Variants in TSPEAR observed in about 807,000 individuals in gnomAD.
The protein encoded by TSPEAR is thrombospondin-type laminin G domain and EAR repeat-containing protein.
Under a neutral mutation model 71.6 loss-of-function variants are expected in TSPEAR, and 69 were observed. That is an observed-to-expected ratio of 0.96 (90% CI 0.79 to 1.18). The LOEUF (loss-of-function observed/expected upper bound fraction) is 1.18, where lower values mean the gene tolerates loss of function less well. TSPEAR is among the 50% of genes most tolerant of loss of function. TSPEAR has a pLI of 0.00. For missense variants in TSPEAR, 971 were observed against 894.9 expected (o/e 1.09, Z -1.09); for synonymous variants, 402 against 387.2 (o/e 1.04, Z -0.45).
intron 11 of TSPEAR, among the ~76,000 whole-genome samples, chr21:44,503,019 C>T (rs587674359): frequency 2.8e-3 from 340 of 120,046 alleles, no homozygotes; most frequent in Middle Eastern, 0.016. Context: ...GGAAGCCGGC[C>T]TCGGTGAGCC....
chr21:44,689,801 G>A (rs1555949542), intron 1 of TSPEAR, among the ~76,000 whole-genome samples: 2 of 144,632 alleles, frequency 1.4e-5, no homozygotes, highest in African/African-American at 2.6e-5. Context: ...TAGGCCGTCT[G>A]CAAGCTGAGG....
chr21:44,702,642 G>A, intron 1 of TSPEAR: 1 of 1,590,828 alleles, frequency 6.3e-7, no homozygotes, highest in South Asian at 1.1e-5. Flanking sequence ...CTGTGTGCAG[G>A]CCCACCTGCT....
At chr21:44,572,560 GCCC>G (rs1463461550) in intron 1 of TSPEAR, among the ~76,000 whole-genome samples, 2 of 151,850 alleles carry the variant, frequency 1.3e-5, no homozygotes, top group African/African-American at 4.8e-5. Flanking sequence ...CCTGCCCCAG[GCCC>G]AAGTCCACAA....
At chr21:44,641,509 A>T (rs1984019994) in intron 1 of TSPEAR, among the ~76,000 whole-genome samples, 1 of 152,098 alleles carries the variant, frequency 6.6e-6, no homozygotes, top group South Asian at 2.1e-4. Flanking sequence ...GAGTGGGAAG[A>T]GCCCAGGAGA....
intron 1 of TSPEAR, chr21:44,646,750 G>A (rs1345931588): frequency 6.2e-7 from 1 of 1,613,586 alleles, no homozygotes; most frequent in Non-Finnish European, 8.5e-7. Context: ...CTGCCAGCAG[G>A]CCTGCTGTGT....
chr21:44,509,002 G>T, intron 10 of TSPEAR, 197 bp downstream of exon 10: 1 of 1,504,172 alleles, frequency 6.6e-7, no homozygotes, highest in Non-Finnish European at 9.0e-7. Flanking sequence ...TCTCAGGGCG[G>T]CACTGACTTC....
intron 2 of TSPEAR, among the ~76,000 whole-genome samples, chr21:44,544,585 C>G (rs1270048279): frequency 6.6e-6 from 1 of 152,194 alleles, no homozygotes; most frequent in African/African-American, 2.4e-5. Context: ...AGAAATAATG[C>G]TAGGCTTAAA....
intron 1 of TSPEAR, among the ~76,000 whole-genome samples, chr21:44,693,210 T>C (rs1987190825): frequency 6.6e-6 from 1 of 152,106 alleles, no homozygotes; most frequent in Non-Finnish European, 1.5e-5. Flanking sequence ...AAATTAACTC[T>C]AAATGGATCA....
intron 1 of TSPEAR, among the ~76,000 whole-genome samples, chr21:44,598,622 C>A (rs868914231): frequency 6.6e-6 from 1 of 152,166 alleles, no homozygotes; most frequent in Non-Finnish European, 1.5e-5. Context: ...GCACTTCCGC[C>A]GCTTCCAAAA....
chr21:44,666,478 G>A (rs1985765807), intron 1 of TSPEAR: 1 of 1,602,296 alleles, frequency 6.2e-7, no homozygotes, highest in Non-Finnish European at 8.5e-7. Flanking sequence ...TAGGAGATGG[G>A]TCTGCAGAGG....
intron 1 of TSPEAR, among the ~76,000 whole-genome samples, chr21:44,699,377 C>CAAAAAAAA (rs55846070): frequency 3.1e-5 from 2 of 65,414 alleles, no homozygotes; most frequent in African/African-American, 5.9e-5. Flanking sequence ...GACACTGTCT[C>CAAAAAAAA]AAAAAAAAAA....
chr21:44,587,066 AG>A (rs1279732472), intron 1 of TSPEAR, among the ~76,000 whole-genome samples: 3 of 152,182 alleles, frequency 2.0e-5, no homozygotes, highest in African/African-American at 7.2e-5. Context: ...AAGAAATAAA[AG>A]GCATCCAAAT....
At chr21:44,685,232 G>A (rs1327595243) in intron 1 of TSPEAR, among the ~76,000 whole-genome samples, 1 of 152,168 alleles carries the variant, frequency 6.6e-6, no homozygotes, top group Middle Eastern at 3.2e-3. Context: ...GAGCTGCCTG[G>A]GATGGAGGGA....
chr21:44,662,116 A>T (rs1254088783), intron 1 of TSPEAR, among the ~76,000 whole-genome samples: 5 of 152,260 alleles, frequency 3.3e-5, no homozygotes, highest in Non-Finnish European at 7.3e-5. Flanking sequence ...TATTTTGCTA[A>T]TATTAAATTA....
At chr21:44,649,038 CCACT>C (rs1245011185) in intron 1 of TSPEAR, among the ~76,000 whole-genome samples, 3 of 152,330 alleles carry the variant, frequency 2.0e-5, no homozygotes, top group East Asian at 3.9e-4. Context: ...GATGCGGGAC[CCACT>C]GAGTCAGGGG....
intron 10 of TSPEAR, chr21:44,508,352 G>T: frequency 5.0e-6 from 2 of 397,962 alleles, no homozygotes; most frequent in Non-Finnish European, 7.0e-6. Flanking sequence ...AGAGCCCAGT[G>T]CCCAGGAGGG....
chr21:44,649,386 A>G (rs587604843), intron 1 of TSPEAR, among the ~76,000 whole-genome samples: 4 of 152,274 alleles, frequency 2.6e-5, no homozygotes, highest in Middle Eastern at 3.4e-3. Context: ...AAGTTTCTAG[A>G]TATGGGCCTC....
intron 1 of TSPEAR, among the ~76,000 whole-genome samples, chr21:44,639,809 T>G (rs2146225735): frequency 6.6e-6 from 1 of 151,498 alleles, no homozygotes; most frequent in Admixed American, 6.6e-5. Context: ...TTTGCCATTG[T>G]CCCCACCTTC....
rs1022649906 is a variant in TSPEAR, at chr21:44,687,963, G to A, written c.82+23470C>T. ...GAGGCCGGCTCGGGGGTGAGTATCCGATCAAGCACAGTGAGTGACGTGCCA... is the reference window on the plus strand; with the variant it reads ...GAGGCCGGCTCGGGGGTGAGTATCCAATCAAGCACAGTGAGTGACGTGCCA... On this transcript the variant is annotated intron_variant, in intron 1 of 11. Transcript: ENST00000323084. This position sits in a 1 kb window ranked among gnomAD's most constrained non-coding sequence, Gnocchi z 4.4. Among the ~76,000 whole-genome samples, 1 of 152,188 alleles carries A rather than the reference G, an allele frequency of 6.6e-6. No homozygotes were observed. The highest frequency in any genetic ancestry group is 2.1e-4 in the South Asian group (1 of 4,830).
Sources: gnomAD v4.1 joint callset for allele counts (sites outside exome capture counted in the v4.1 genomes callset) on GRCh38, gnomAD v4.1.1 for gene constraint, Gnocchi (gnomAD v3.1) non-coding constraint, MANE v1.5 for transcripts, NCBI Gene and HGNC (gene_info 2026-07-23, HGNC 2026-07-21) for gene names.